The following AUTS2 variants were observed in gnomAD, a reference collection of about 807,000 sequenced individuals.
AUTS2 encodes the protein activator of transcription and developmental regulator AUTS2, also known as autism susceptibility gene 2 protein.
AUTS2 carries 17 observed loss-of-function variants against 112.4 expected under a neutral mutation model. The ratio of observed to expected loss-of-function variants is 0.15; its 90% CI spans 0.10 to 0.23. The LOEUF (loss-of-function observed/expected upper bound fraction) is 0.23, where lower values mean the gene tolerates loss of function less well. AUTS2 is among the 10% of genes least tolerant of loss of function. The pLI is 1.00. For synonymous variants in AUTS2, 751 were observed against 702.7 expected, an observed-to-expected ratio of 1.07 and a Z score of -1.09; for missense variants, 1,510 against 1,701.6, an observed-to-expected ratio of 0.89 and a Z score of 1.98.
At chr7:70,280,904 A>G (rs1788184529) in intron 4 of AUTS2, among the ~76,000 whole-genome samples, 1 of 152,176 alleles carries the variant, frequency 6.6e-6, no homozygotes, top group Non-Finnish European at 1.5e-5. Flanking sequence ...TCTAACACTG[A>G]CAAAATTTGA....
intron 1 of AUTS2, among the ~76,000 whole-genome samples, chr7:69,633,317 A>ACC (rs1196578082): frequency 6.6e-6 from 1 of 151,296 alleles, no homozygotes; most frequent in Admixed American, 6.6e-5. Context: ...ACACCCACCC[A>ACC]CACACACACA....
chr7:69,711,642 CT>C (rs1798329767), intron 1 of AUTS2, among the ~76,000 whole-genome samples: 1 of 152,106 alleles, frequency 6.6e-6, no homozygotes, highest in Non-Finnish European at 1.5e-5. Flanking sequence ...TGCTTCCTTC[CT>C]AACAAATTTT....
chr7:70,203,063 G>A (rs1253732641), intron 4 of AUTS2, among the ~76,000 whole-genome samples: 3 of 146,486 alleles, frequency 2.0e-5, no homozygotes, highest in Non-Finnish European at 4.5e-5. Context: ...GGATGAAATT[G>A]GAAACCATCT....
In AUTS2 at chr7:70,486,231, A is replaced by T. The variant is rs530691470; in HGVS notation, c.690+50450A>T. 1.2e-3 allele frequency among the ~76,000 whole-genome samples: 177 copies of T among 152,298 alleles called. 1 individual carries two copies. Among genetic ancestry groups the T allele is most frequent in the African/African-American group, 4.1e-3 (171 of 41,570 alleles). On this transcript the variant is annotated intron_variant, in intron 5 of 18. Coordinates refer to ENST00000342771, the MANE Select transcript of AUTS2 (RefSeq NM_015570.4). ...TCCAAGGGCACAGGGCACAGGGGTT[A>T]GCATGTAAGCTTGCTAGTCAGGCTG...
At chr7:70,563,997 G>T (rs1295841505) in intron 5 of AUTS2, among the ~76,000 whole-genome samples, 3 of 152,116 alleles carry the variant, frequency 2.0e-5, no homozygotes, top group Non-Finnish European at 2.9e-5. Context: ...GTTTCAAAAT[G>T]CAATATCCTG....
intron 1 of AUTS2, among the ~76,000 whole-genome samples, chr7:69,898,164 T>C (rs1046916488): frequency 1.3e-5 from 2 of 152,194 alleles, no homozygotes; most frequent in African/African-American, 4.8e-5. Flanking sequence ...AAACATCTTA[T>C]GTAAGTCATA....
chr7:69,895,543 T>TC (rs3043573), intron 1 of AUTS2, among the ~76,000 whole-genome samples: 21,009 of 131,508 alleles, frequency 0.16, 2,054 homozygotes, highest in South Asian at 0.24. Context: ...TCTCTCTTCT[T>TC]CCCCCCCCCC....
chr7:69,637,815 G>T (rs1794618500), intron 1 of AUTS2, among the ~76,000 whole-genome samples: 2 of 152,170 alleles, frequency 1.3e-5, no homozygotes, highest in East Asian at 3.9e-4. Flanking sequence ...GCCTTGGAGA[G>T]GCTGTTATAC....
At chr7:69,687,534 A>G (rs1468070669) in intron 1 of AUTS2, among the ~76,000 whole-genome samples, 1 of 152,174 alleles carries the variant, frequency 6.6e-6, no homozygotes, top group African/African-American at 2.4e-5. Flanking sequence ...GCTCATATTA[A>G]AGAAAACAAG....
At position 70,324,822 on chromosome 7, in the gene AUTS2, T is replaced by C. The variant is rs183696649; in HGVS notation, c.661-110930T>C. 1.3e-3 allele frequency among the ~76,000 whole-genome samples: 194 copies of C among 152,386 alleles called. 1 individual carries two copies. Among genetic ancestry groups the C allele is most frequent in the Non-Finnish European group, 2.2e-4 (15 of 68,040 alleles). On this transcript the variant is annotated intron_variant, in intron 4 of 18. Coordinates refer to ENST00000342771, the MANE Select transcript of AUTS2 (RefSeq NM_015570.4). ...CACCTTGCCATGTGGCGGGACTTATTGCAGTTGCTATGTGTATATTTTTTC... is the reference window on the plus strand; with the variant it reads ...CACCTTGCCATGTGGCGGGACTTATCGCAGTTGCTATGTGTATATTTTTTC...
rs182703268 is a variant in AUTS2 at position 70,666,931 on chromosome 7, G to A, written c.691-31638G>A. On this transcript the variant is annotated intron_variant, in intron 5 of 18. Transcript: ENST00000342771. ...CTCAGAAAGAATAGAGAATGATGTTGTTGAAGGGAGCAGGGAGCTGTGTTC... is the reference window on the plus strand; with the variant it reads ...CTCAGAAAGAATAGAGAATGATGTTATTGAAGGGAGCAGGGAGCTGTGTTC... Among the ~76,000 whole-genome samples the A allele has an allele frequency of 9.1e-4, 134 of 147,714 alleles. No individual in the cohort carries two copies. The Middle Eastern group carries it at 0.014, about 15-fold the overall frequency.
At chr7:70,775,469 T>C in intron 13 of AUTS2, 83 bp downstream of exon 13, 1 of 1,108,428 alleles carries the variant, frequency 9.0e-7, no homozygotes, top group Non-Finnish European at 1.3e-6. Flanking sequence ...TACAAGGAAA[T>C]AAGCCATAGA....
chr7:70,443,698 C>G (rs980303419), intron 5 of AUTS2, among the ~76,000 whole-genome samples: 1 of 152,200 alleles, frequency 6.6e-6, no homozygotes, highest in Non-Finnish European at 1.5e-5. Context: ...TTTGTTGGTT[C>G]AGTCTTTCAG....
intron 5 of AUTS2, among the ~76,000 whole-genome samples, chr7:70,446,541 G>T (rs555917099): frequency 2.0e-5 from 3 of 152,178 alleles, no homozygotes; most frequent in African/African-American, 7.2e-5. Flanking sequence ...CTGGATCATG[G>T]GTTAGTTGAA....
At chr7:69,771,842 T>A (rs1422604205) in intron 1 of AUTS2, among the ~76,000 whole-genome samples, 1 of 151,502 alleles carries the variant, frequency 6.6e-6, no homozygotes, top group Non-Finnish European at 1.5e-5. Flanking sequence ...TGGAGTGCAA[T>A]GGCGCGATCT....
At position 70,156,961 on chromosome 7, in the gene AUTS2, C is replaced by T. The variant is rs1168231529; in HGVS notation, c.660+22390C>T. On this transcript the variant is annotated intron_variant, in intron 4 of 18. Transcript: ENST00000342771. The stretch of plus-strand genomic sequence containing the variant: ...GCGTGGTGGCAGGCACCTGTAGTCC[C>T]AGCTACTTGGGAGGCTGAGGCAGGA... Among the ~76,000 whole-genome samples, 17 of 143,382 alleles carry T rather than the reference C, an allele frequency of 1.2e-4. No homozygotes were observed. In the Admixed American group the frequency reaches 1.2e-3, roughly 10 times the overall value. The allele number at this position is 143,382 out of a possible 152,430, so 94.1% of individuals were successfully genotyped here.
chr7:70,250,680 C>T (rs1786543980), intron 4 of AUTS2, among the ~76,000 whole-genome samples: 2 of 152,212 alleles, frequency 1.3e-5, no homozygotes, highest in Admixed American at 6.5e-5. Flanking sequence ...GAACACCATG[C>T]AGCCACTAAA....
chr7:70,179,019 G>A (rs988608023), intron 4 of AUTS2, among the ~76,000 whole-genome samples: 1 of 152,106 alleles, frequency 6.6e-6, no homozygotes, highest in Non-Finnish European at 1.5e-5. Context: ...CTTCTCTTCT[G>A]TTTACCCTGG....
At chr7:70,603,503 C>CCTCCTGCAGCCTGTGCTGTGCT (rs146739200) in intron 5 of AUTS2, among the ~76,000 whole-genome samples, 1 of 152,196 alleles carries the variant, frequency 6.6e-6, no homozygotes, top group East Asian at 1.9e-4. Flanking sequence ...TGTGCTGTGC[C>CCTCCTGCAGCCTGTGCTGTGCT]CTCCTGCAGC....
Sources: gnomAD v4.1 joint callset for allele counts (sites outside exome capture counted in the v4.1 genomes callset) on GRCh38, gnomAD v4.1.1 for gene constraint, MANE v1.5 for transcripts, NCBI Gene and HGNC (gene_info 2026-07-23, HGNC 2026-07-21) for gene names.